The following RGPD2 variants were observed in gnomAD, a reference collection of about 807,000 sequenced individuals.
RGPD2 encodes RANBP2-like and GRIP domain-containing protein 2.
Under a neutral mutation model 36.0 loss-of-function variants are expected in RGPD2, and 2 were observed. That is an observed-to-expected ratio of 0.06 (90% CI 0.02 to 0.17). The LOEUF (loss-of-function observed/expected upper bound fraction) is 0.17, where lower values mean the gene tolerates loss of function less well. Ranked by LOEUF, RGPD2 falls within the 10% of genes least tolerant of loss-of-function variation. The pLI is 1.00. For missense variants in RGPD2, 40 were observed against 464.3 expected (o/e 0.09, Z 8.40); for synonymous variants, 19 against 163.8 (o/e 0.12, Z 6.75).
chr2:87,968,661 A>G, the RGPD2 span: 10 of 188,234 alleles, frequency 5.3e-5, no homozygotes, highest in Admixed American at 6.1e-5. Flanking sequence ...CCCTCAAACC[A>G]GCCGAATAGG....
chr2:87,825,933 T>G, upstream of RGPD2: 1 of 598,392 alleles, frequency 1.7e-6, no homozygotes, highest in Non-Finnish European at 2.7e-6. Context: ...GGCAGCACCC[T>G]GTGCTCTGAG....
the RGPD2 span, among the ~76,000 whole-genome samples, chr2:87,915,356 A>ATT: frequency 7.5e-6 from 1 of 133,922 alleles, no homozygotes; most frequent in South Asian, 2.2e-4. Flanking sequence ...TATTATATAT[A>ATT]TTATATATAT....
chr2:87,877,073 C>T, the RGPD2 span, among the ~76,000 whole-genome samples: 2 of 152,244 alleles, frequency 1.3e-5, no homozygotes, highest in East Asian at 1.9e-4. Flanking sequence ...TTCTCCATCT[C>T]TTTATTTTGA....
the RGPD2 span, among the ~76,000 whole-genome samples, chr2:87,863,712 GTA>G: frequency 3.5e-3 from 519 of 146,290 alleles, 2 homozygotes; most frequent in South Asian, 8.9e-3. Flanking sequence ...GTGTGTGTGT[GTA>G]TATATATATA....
At chr2:87,869,078 G>A in the RGPD2 span, among the ~76,000 whole-genome samples, 2 of 152,016 alleles carry the variant, frequency 1.3e-5, no homozygotes, top group African/African-American at 4.8e-5. Flanking sequence ...ATAAACTCAA[G>A]TTTAAGGTAT....
intron 22 of RGPD2, among the ~76,000 whole-genome samples, chr2:87,769,371 A>G (rs1395184706): frequency 6.6e-6 from 1 of 152,116 alleles, no homozygotes; most frequent in East Asian, 1.9e-4. Context: ...TCACATTGAT[A>G]AGAGACAAGT....
the RGPD2 span, among the ~76,000 whole-genome samples, chr2:87,977,661 A>T: frequency 6.7e-6 from 1 of 149,796 alleles, no homozygotes; most frequent in Non-Finnish European, 1.5e-5. Flanking sequence ...AACGAGAAAA[A>T]AATTATGCAT....
chr2:87,963,837 C>CTTTTT, the RGPD2 span, among the ~76,000 whole-genome samples: 9 of 88,850 alleles, frequency 1.0e-4, no homozygotes, highest in South Asian at 4.3e-4. Context: ...TTCTTTCTTT[C>CTTTTT]TTTTTTTTTT....
chr2:87,958,228 C>A, the RGPD2 span, among the ~76,000 whole-genome samples: 1 of 151,976 alleles, frequency 6.6e-6, no homozygotes, highest in Non-Finnish European at 1.5e-5. Context: ...TTATTTTGAA[C>A]CTGAAGTCTT....
the RGPD2 span, among the ~76,000 whole-genome samples, chr2:87,876,897 G>T: frequency 1.3e-5 from 2 of 152,164 alleles, no homozygotes; most frequent in South Asian, 2.1e-4. Flanking sequence ...CCTATATTAG[G>T]TGCATATATA....
intron 2 of RGPD2, among the ~76,000 whole-genome samples, chr2:87,818,032 A>AT (rs1480909674): frequency 1.6e-5 from 2 of 125,364 alleles, no homozygotes; most frequent in Non-Finnish European, 3.4e-5. Context: ...AAAAAAAAAA[A>AT]AAAAAAAAAA....
the RGPD2 span, among the ~76,000 whole-genome samples, chr2:87,988,604 G>A: frequency 6.9e-5 from 10 of 143,922 alleles, 1 homozygote; most frequent in East Asian, 6.3e-4. Context: ...GCAGTGGCAC[G>A]ATCTTGGCTC....
At chr2:87,951,490 C>A in the RGPD2 span, among the ~76,000 whole-genome samples, 37 of 152,308 alleles carry the variant, frequency 2.4e-4, no homozygotes, top group African/African-American at 8.4e-4. Flanking sequence ...CTCAACTGTA[C>A]AAAGAAAACG....
At chr2:87,923,340 A>T in the RGPD2 span, among the ~76,000 whole-genome samples, 1 of 152,002 alleles carries the variant, frequency 6.6e-6, no homozygotes, top group Non-Finnish European at 1.5e-5. Flanking sequence ...TTTGAGCACA[A>T]TTGAATGCAT....
the RGPD2 span, among the ~76,000 whole-genome samples, chr2:87,864,609 G>T: frequency 8.0e-6 from 1 of 125,228 alleles, no homozygotes. Flanking sequence ...TAGATAGATA[G>T]ATAGATAGAT....
chr2:87,937,288 T>C, the RGPD2 span, among the ~76,000 whole-genome samples: 2 of 151,778 alleles, frequency 1.3e-5, no homozygotes, highest in Non-Finnish European at 2.9e-5. Context: ...AATGTCTAGA[T>C]GGAGAAGTGA....
the RGPD2 span, among the ~76,000 whole-genome samples, chr2:87,970,513 TTAAAA>T: frequency 3.0e-4 from 45 of 150,328 alleles, no homozygotes; most frequent in African/African-American, 1.1e-3. Flanking sequence ...TGTCCTACTC[TTAAAA>T]TAAGATTACT....
chr2:87,905,605 G>C, the RGPD2 span, among the ~76,000 whole-genome samples: 1 of 151,598 alleles, frequency 6.6e-6, no homozygotes, highest in African/African-American at 2.4e-5. Flanking sequence ...TACCAATTCC[G>C]ATGATGAGGA....
the RGPD2 span, among the ~76,000 whole-genome samples, chr2:87,834,345 C>T: frequency 6.6e-6 from 1 of 151,892 alleles, no homozygotes; most frequent in Non-Finnish European, 1.5e-5. Context: ...TAATGAAAGC[C>T]ATAACAAGTA....
Sources: gnomAD v4.1 joint callset for allele counts (sites outside exome capture counted in the v4.1 genomes callset) on GRCh38, gnomAD v4.1.1 for gene constraint, MANE v1.5 for transcripts, NCBI Gene and HGNC (gene_info 2026-07-23, HGNC 2026-07-21) for gene names.